Variants in SACS observed in about 807,000 individuals in gnomAD.
The protein encoded by SACS is sacsin.
Under a neutral mutation model 348.0 loss-of-function variants are expected in SACS, and 197 were observed. That is an observed-to-expected ratio of 0.57 (90% CI 0.50 to 0.64). The LOEUF is 0.64. SACS is among the 30% of genes least tolerant of loss of function. SACS has a pLI of 0.00. For synonymous variants in SACS, 1,985 were observed against 1,910.6 expected, an observed-to-expected ratio of 1.04 and a Z score of -1.02; for missense variants, 4,999 against 5,360.8, an observed-to-expected ratio of 0.93 and a Z score of 2.11.
At chr13:23,371,495 T>C (rs193048526) in intron 3 of SACS, among the ~76,000 whole-genome samples, 48 of 152,340 alleles carry the variant, frequency 3.2e-4, no homozygotes, top group Non-Finnish European at 7.3e-5. Flanking sequence ...CCAAAGTGTA[T>C]TGCTCATAAC....
chr13:23,360,811 A>G (rs1870685171), intron 6 of SACS, among the ~76,000 whole-genome samples: 1 of 146,562 alleles, frequency 6.8e-6, no homozygotes, highest in Non-Finnish European at 1.5e-5. Context: ...GCTGGAGTGC[A>G]GTGATGCTAT....
rs774430587 is a variant in SACS at position 23,341,181 on chromosome 13, G to C, written c.2695C>G (p.His899Asp). 3.1e-6 allele frequency: 5 copies of C among 1,613,492 alleles called. No individual in the cohort carries two copies. Among genetic ancestry groups the C allele is most frequent in the Non-Finnish European group, 4.2e-6 (5 of 1,180,022 alleles). The change falls in exon 10 of 10, where the codon CAC becomes GAC. Residue 899 changes from histidine (H) to aspartate (D), a missense_variant. Coordinates refer to ENST00000382292, the MANE Select transcript of SACS (RefSeq NM_014363.6). ...AAGAACTTCCTCAGGGCATCTTTGT[G>C]TGTTGGAAGTAGCGAAGTTATTTGA... ...CNQITSLLPT[H>D]KDALRKFLAS...
chr13:23,416,959 A>T (rs1453598010), intron 1 of SACS, among the ~76,000 whole-genome samples: 4 of 152,188 alleles, frequency 2.6e-5, no homozygotes, highest in Admixed American at 6.5e-5. Context: ...ATTCATGGAT[A>T]GAGTATTCAA....
chr13:23,329,970 G>C lies in SACS; in HGVS notation c.*166C>G, dbSNP rs1883362823. On this transcript the variant is annotated 3_prime_UTR_variant, in exon 10 of 10. Transcript: ENST00000382292. ...ATAGTTTTCTTTTAGATTCAGTTAAGGTTTTCCGTTGGTATTCATGTTCAT... is the reference window on the plus strand; with the variant it reads ...ATAGTTTTCTTTTAGATTCAGTTAACGTTTTCCGTTGGTATTCATGTTCAT... 1.5e-6 allele frequency: 1 copy of C among 660,296 alleles called. No homozygotes were observed. Among genetic ancestry groups the C allele is most frequent in the African/African-American group, 1.8e-5 (1 of 54,952 alleles). 40.9% of individuals were successfully genotyped at this position (660,296 alleles called of 1,614,324 possible). A position where few individuals can be genotyped will look rare whatever the true frequency, so the allele number is the denominator to read the frequency against.
chr13:23,420,173 A>G (rs190591709), intron 1 of SACS, among the ~76,000 whole-genome samples: 6 of 151,966 alleles, frequency 3.9e-5, no homozygotes, highest in Admixed American at 1.3e-4. Flanking sequence ...ATGTCCACCT[A>G]TGGATTAGAT....
rs565470183 is a variant in SACS at position 23,351,729 on chromosome 13, C to T, written c.2185+2056G>A. Among the ~76,000 whole-genome samples, 30 of 152,176 alleles carry T rather than the reference C, an allele frequency of 2.0e-4. No individual in the cohort carries two copies. In the South Asian group the frequency reaches 5.2e-3, roughly 26 times the overall value. On this transcript the variant is annotated intron_variant, in intron 9 of 9. Transcript: ENST00000382292. ...AATAATCATGAAAATAGTAGCCTAA[C>T]TCTTAAATCTAGATAAAGAAAAGTG...
intron 5 of SACS, among the ~76,000 whole-genome samples, chr13:23,366,478 T>C (rs1871071266): frequency 6.6e-6 from 1 of 152,142 alleles, no homozygotes; most frequent in Non-Finnish European, 1.5e-5. Context: ...CCTCATTCAA[T>C]CCCAGAGAAT....
At chr13:23,368,992 C>CGA (rs1871230169) in intron 4 of SACS, among the ~76,000 whole-genome samples, 1 of 152,178 alleles carries the variant, frequency 6.6e-6, no homozygotes, top group Non-Finnish European at 1.5e-5. Flanking sequence ...AGCCACCATG[C>CGA]CTGGCCTCAA....
rs1237417551 is a variant in SACS, at chr13:23,368,622, C to T, written c.260-135G>A. On this transcript the variant is annotated intron_variant, in intron 4 of 9. Transcript: ENST00000382292. ...TATATCTCACTGCAGCACCCTGGTA[C>T]AGAAATCTACCTGACGAAGCAATTC... The T allele has an allele frequency of 4.5e-6, 3 of 669,576 alleles. No individual in the cohort carries two copies. The African/African-American group carries it at 5.4e-5, about 12-fold the overall frequency. The allele number at this position is 669,576 out of a possible 1,614,324, so 41.5% of individuals were successfully genotyped here.
chr13:23,359,568 A>G (rs1018161580), intron 6 of SACS, among the ~76,000 whole-genome samples: 1 of 152,310 alleles, frequency 6.6e-6, no homozygotes, highest in East Asian at 1.9e-4. Context: ...TCAAAAAGTA[A>G]TATTTATAAA....
rs1883605881 is a variant in SACS at position 23,333,204 on chromosome 13, T to C, written c.10672A>G (p.Ile3558Val). Residue 3558 changes from isoleucine (I) to valine (V), a missense_variant, in exon 10 of 10, where the codon ATT (isoleucine) becomes GTT (valine). Physicochemically the swap from Ile to Val is conservative, Grantham distance 29. Transcript: ENST00000382292. The stretch of plus-strand genomic sequence containing the variant: ...AATTTCTTAAAGAAATCATTAGGAA[T>C]AAACAATTTTTCAGGAAGCATAACT... ...FEVMLPEKLF[I>V]PNDFFKKLEQ... 6.3e-7 allele frequency: 1 copy of C among 1,598,346 alleles called. No individual in the cohort carries two copies. Among genetic ancestry groups the C allele is most frequent in the Admixed American group, 1.8e-5 (1 of 57,064 alleles).
chr13:23,375,592 G>A lies in SACS; in HGVS notation c.21-323C>T, dbSNP rs543869228. Reference sequence around the variant, plus strand: ...CCGGCCCACTCCCGGCCCTGCAGGCGCCGCCCGCGGGGACACGCCCACCCG... The same window carrying A: ...CCGGCCCACTCCCGGCCCTGCAGGCACCGCCCGCGGGGACACGCCCACCCG... On this transcript the variant is annotated intron_variant, in intron 2 of 9. Coordinates refer to ENST00000382292, the MANE Select transcript of SACS (RefSeq NM_014363.6). The A allele has an allele frequency of 1.4e-3, 1,464 of 1,013,992 alleles. 2 individuals carry two copies. The highest frequency in any genetic ancestry group is 1.6e-3 in the Non-Finnish European group (1,379 of 848,102). The allele number at this position is 1,013,992 out of a possible 1,614,324, so 62.8% of individuals were successfully genotyped here.
intron 2 of SACS, among the ~76,000 whole-genome samples, chr13:23,395,058 G>A (rs1453769609): frequency 1.3e-5 from 2 of 152,190 alleles, no homozygotes. Context: ...GTATACTGTA[G>A]AAGCTGGTTT....
In SACS at chr13:23,332,522, C is replaced by CTT; in HGVS notation, c.11352_11353dup (p.Arg3785LysfsTer14). On this transcript the variant is annotated frameshift_variant, in exon 10 of 10. Coordinates refer to ENST00000382292, the MANE Select transcript of SACS (RefSeq NM_014363.6). LOFTEE classifies it high-confidence loss of function. Reference sequence around the variant, plus strand: ...CCCTCGCAACTGAAAACGAAATTCCCTTTTTTCTGCACTGAGGAATTCATA... The same window carrying CTT: ...CCCTCGCAACTGAAAACGAAATTCCCTTTTTTTTCTGCACTGAGGAATTCATA... 1.9e-6 allele frequency: 3 copies of CTT among 1,613,934 alleles called. No homozygotes were observed. Among genetic ancestry groups the CTT allele is most frequent in the Non-Finnish European group, 2.5e-6 (3 of 1,179,892 alleles).
intron 2 of SACS, among the ~76,000 whole-genome samples, chr13:23,409,333 G>A (rs1873386646): frequency 2.0e-5 from 3 of 150,268 alleles, no homozygotes; most frequent in Admixed American, 2.0e-4. Context: ...GGGATTACAG[G>A]GGTGAGCCAC....
At chr13:23,392,810 G>A (rs1278634465) in intron 2 of SACS, among the ~76,000 whole-genome samples, 1 of 152,166 alleles carries the variant, frequency 6.6e-6, no homozygotes, top group Non-Finnish European at 1.5e-5. Flanking sequence ...AGAGGAGGGA[G>A]AAGCCATAGA....
rs1351536257 is a variant in SACS at position 23,329,590 on chromosome 13, A to G, written c.*546T>C. The G allele has an allele frequency of 8.5e-6, 5 of 587,000 alleles. No homozygotes were observed. The highest frequency in any genetic ancestry group is 1.5e-5 in the Non-Finnish European group (5 of 334,294). The allele number at this position is 587,000 out of a possible 1,614,324, so 36.4% of individuals were successfully genotyped here. On this transcript the variant is annotated 3_prime_UTR_variant, in exon 10 of 10. Coordinates refer to ENST00000382292, the MANE Select transcript of SACS (RefSeq NM_014363.6). ...CACTCTTAGTCAAGTAATAGGATTA[A>G]AATACTCTACCATTTCTTAAATGCA...
At chr13:23,413,604 A>C (rs1001883519) in intron 1 of SACS, among the ~76,000 whole-genome samples, 1 of 152,180 alleles carries the variant, frequency 6.6e-6, no homozygotes, top group African/African-American at 2.4e-5. Flanking sequence ...AACCTAAGCT[A>C]TACTGATTAC....
intron 2 of SACS, among the ~76,000 whole-genome samples, chr13:23,399,036 A>AAAAAAAAAAAAAAC: frequency 6.6e-6 from 1 of 150,686 alleles, no homozygotes; most frequent in Non-Finnish European, 1.5e-5. Context: ...AAAAAAAAAA[A>AAAAAAAAAAAAAAC]ACATGGATGC....
Sources: allele counts gnomAD v4.1 joint callset (sites outside exome capture counted in the v4.1 genomes callset), GRCh38; gene constraint gnomAD v4.1.1; transcripts MANE v1.5; gene names NCBI Gene and HGNC (gene_info 2026-07-23, HGNC 2026-07-21).